The following PCDHGB3 variants were observed in gnomAD, a reference collection of about 807,000 sequenced individuals.
PCDHGB3 encodes protocadherin gamma subfamily B, 3, also known as protocadherin gamma-B3.
A neutral mutation model predicts 59.2 loss-of-function variants in PCDHGB3; 40 were observed. The ratio of observed to expected loss-of-function variants is 0.68; its 90% CI spans 0.52 to 0.88. The LOEUF is 0.88. Among genes scored for constraint, PCDHGB3 ranks in the 40% least tolerant of loss-of-function variants. The pLI, the probability that PCDHGB3 is intolerant of heterozygous loss-of-function variation, is 0.00. For missense variants in PCDHGB3, 1,309 were observed against 1,187.9 expected (o/e 1.10, Z -1.50); for synonymous variants, 581 against 503.6 (o/e 1.15, Z -2.06).
At chr5:141,478,498 G>T in intron 1 of PCDHGB3, 1 of 1,612,710 alleles carries the variant, frequency 6.2e-7, no homozygotes, top group South Asian at 1.1e-5. Context: ...GCTGTGATCC[G>T]GTGTTCTATA....
Position 141,485,156 on chromosome 5 carries a change from A to G in PCDHGB3, c.2416-9651A>G. The G allele has an allele frequency of 6.3e-7, 1 of 1,599,118 alleles. No homozygotes were observed. The highest frequency in any genetic ancestry group is 8.6e-7 in the Non-Finnish European group (1 of 1,168,318). On this transcript the variant is annotated intron_variant, in intron 1 of 3. Transcript: ENST00000576222. The surrounding 1 kb of genome is among the most constrained non-coding windows in gnomAD (Gnocchi z 5.7). ...ATCCGCGTCTCAGGAGCAAGTAGAG[A>G]ATTAGCGGGCGGCAGCAATGCTCCG... is the stretch of plus-strand genomic sequence containing the variant.
At chr5:141,408,927 T>C (rs1220361067) in intron 1 of PCDHGB3, 5 of 1,613,512 alleles carry the variant, frequency 3.1e-6, no homozygotes, top group African/African-American at 1.3e-5. Context: ...CCCCCGGTTT[T>C]CAGCAGAGAC....
At chr5:141,399,037 G>A (rs756325508) in intron 1 of PCDHGB3, 2 of 1,613,856 alleles carry the variant, frequency 1.2e-6, no homozygotes, top group African/African-American at 2.7e-5. Context: ...AAAGAAACTG[G>A]ATTTTGAAGA....
rs151297289 is a variant in PCDHGB3, at chr5:141,381,401, A to G, written c.2415+8592A>G. Among the ~76,000 whole-genome samples the G allele has an allele frequency of 6.6e-4, 101 of 152,344 alleles. 2 individuals are homozygous for G. The highest frequency in any genetic ancestry group is 2.3e-3 in the African/African-American group (97 of 41,586). On this transcript the variant is annotated intron_variant, in intron 1 of 3. Transcript: ENST00000576222. ...TCAATAATTTAGTTTTACTCTATCA[A>G]CATCAGTGGAGAGACGAGTACCTCT...
At position 141,432,579 on chromosome 5, in the gene PCDHGB3, G is replaced by A. The variant is rs769224543; in HGVS notation, c.2415+59770G>A. 6.2e-7 allele frequency: 1 copy of A among 1,613,860 alleles called. No homozygotes were observed. Among genetic ancestry groups the A allele is most frequent in the Non-Finnish European group, 8.5e-7 (1 of 1,179,984 alleles). On this transcript the variant is annotated intron_variant, in intron 1 of 3. Transcript: ENST00000576222. The surrounding 1 kb of genome is among the most constrained non-coding windows in gnomAD (Gnocchi z 6.0). ...GGCCAGAACGCCTGGCTGTCCTACC[G>A]TCTGCTCAAGGCCAGCGAGCCGGGA...
chr5:141,427,974 G>T, intron 1 of PCDHGB3: 1 of 1,594,576 alleles, frequency 6.3e-7, no homozygotes, highest in South Asian at 1.1e-5. Flanking sequence ...GCTGTACCCC[G>T]CGCTGGGGCC....
intron 1 of PCDHGB3, among the ~76,000 whole-genome samples, chr5:141,463,489 C>T (rs1190438683): frequency 7.2e-6 from 1 of 138,270 alleles, no homozygotes; most frequent in African/African-American, 2.8e-5. Context: ...CGCTCTGTCA[C>T]CCAGGCTGGA....
intron 1 of PCDHGB3, chr5:141,388,870 G>T (rs1196888001): frequency 4.3e-6 from 7 of 1,613,964 alleles, no homozygotes; most frequent in Non-Finnish European, 5.9e-6. Flanking sequence ...ATTGCGCAAT[G>T]CACAGTGGAG....
chr5:141,374,558 G>C, intron 1 of PCDHGB3: 1 of 1,613,642 alleles, frequency 6.2e-7, no homozygotes, highest in Non-Finnish European at 8.5e-7. Context: ...GGAGGTCTAT[G>C]ACCCTGATGT....
chr5:141,387,606 T>C, intron 1 of PCDHGB3: 1 of 549,218 alleles, frequency 1.8e-6, no homozygotes, highest in Non-Finnish European at 3.2e-6. Context: ...GCAGAGGCTG[T>C]AGTTTCCTAG....
Position 141,431,351 on chromosome 5 carries a change from C to T in PCDHGB3, c.2415+58542C>T, listed in dbSNP as rs1411192998. On this transcript the variant is annotated intron_variant, in intron 1 of 3. Coordinates refer to ENST00000576222, the MANE Select transcript of PCDHGB3 (RefSeq NM_018924.5). The surrounding 1 kb of genome is among the most constrained non-coding windows in gnomAD (Gnocchi z 4.8). ...TAAGTACCCCGAATTGGTGCTGAAACGCGCCCTGGACCGCGAAGAAAAGGC... is the reference window on the plus strand; with the variant it reads ...TAAGTACCCCGAATTGGTGCTGAAATGCGCCCTGGACCGCGAAGAAAAGGC... The T allele has an allele frequency of 1.9e-6, 3 of 1,613,946 alleles. No homozygotes were observed. Among genetic ancestry groups the T allele is most frequent in the African/African-American group, 2.7e-5 (2 of 74,938 alleles).
intron 1 of PCDHGB3, chr5:141,395,037 G>A: frequency 1.9e-6 from 3 of 1,614,134 alleles, no homozygotes; most frequent in Non-Finnish European, 2.5e-6. Flanking sequence ...ACATTTTGTG[G>A]GTGTTGAGGA....
intron 1 of PCDHGB3, among the ~76,000 whole-genome samples, chr5:141,483,084 C>CA (rs898059463): frequency 8.0e-5 from 12 of 150,326 alleles, no homozygotes; most frequent in Admixed American, 2.0e-4. Context: ...GACTCCATCT[C>CA]AAAAAAAAAG....
intron 1 of PCDHGB3, chr5:141,408,546 A>G (rs777449394): frequency 6.2e-7 from 1 of 1,613,898 alleles, no homozygotes; most frequent in Non-Finnish European, 8.5e-7. Context: ...AATCCTTTAA[A>G]TATTTTTCAT....
chr5:141,427,481 C>G, intron 1 of PCDHGB3: 2 of 534,060 alleles, frequency 3.7e-6, no homozygotes, highest in Non-Finnish European at 7.2e-6. Flanking sequence ...CCAATAATGA[C>G]TATAAGCTTG....
rs1280755615 is a variant in PCDHGB3, at chr5:141,431,629, A to G, written c.2415+58820A>G. 1 of 1,614,246 alleles carries G rather than the reference A, an allele frequency of 6.2e-7. No individual in the cohort carries two copies. ...GGTATGTGGACGACAAGGCGGCCCA[A>G]GTTTTCAAACTAGATTGTAATTCAG... On this transcript the variant is annotated intron_variant, in intron 1 of 3. Transcript: ENST00000576222. The surrounding 1 kb of genome is among the most constrained non-coding windows in gnomAD (Gnocchi z 4.8).
chr5:141,402,977 C>T, intron 1 of PCDHGB3: 2 of 1,608,138 alleles, frequency 1.2e-6, no homozygotes, highest in Non-Finnish European at 8.5e-7. Flanking sequence ...CAAATGCCAG[C>T]TCCGCGGAAG....
At position 141,419,994 on chromosome 5, in the gene PCDHGB3, C is replaced by T. The variant is rs757658202; in HGVS notation, c.2415+47185C>T. 1.9e-6 allele frequency: 3 copies of T among 1,614,072 alleles called. No homozygotes were observed. Among genetic ancestry groups the T allele is most frequent in the East Asian group, 4.5e-5 (2 of 44,884 alleles). ...CTCCTCGCGGTGATTCTAGCTATTG[C>T]TCTACGCCTGCGACAGTCTTTCAGC... On this transcript the variant is annotated intron_variant, in intron 1 of 3. Coordinates refer to ENST00000576222, the MANE Select transcript of PCDHGB3 (RefSeq NM_018924.5).
At chr5:141,478,576 G>A (rs543160289) in intron 1 of PCDHGB3, 1 of 1,585,480 alleles carries the variant, frequency 6.3e-7, no homozygotes, top group Non-Finnish European at 8.6e-7. Flanking sequence ...GCTTGACCCT[G>A]TTAGTGCTTT....
Sources: gnomAD v4.1 joint callset for allele counts (sites outside exome capture counted in the v4.1 genomes callset) on GRCh38, gnomAD v4.1.1 for gene constraint, Gnocchi (gnomAD v3.1) non-coding constraint, MANE v1.5 for transcripts, NCBI Gene and HGNC (gene_info 2026-07-23, HGNC 2026-07-21) for gene names.